ATP10A: variants seen among roughly 807,000 people sequenced by gnomAD.
ATP10A encodes phospholipid-transporting ATPase VA.
ATP10A carries 111 observed loss-of-function variants against 147.8 expected under a neutral mutation model. The ratio of observed to expected loss-of-function variants is 0.75; its 90% CI spans 0.64 to 0.88. The LOEUF is 0.88. Among genes scored for constraint, ATP10A ranks in the 40% least tolerant of loss-of-function variants. The pLI is 0.00. For missense variants in ATP10A, 1,927 were observed against 1,959.0 expected, an observed-to-expected ratio of 0.98 and a Z score of 0.31; for synonymous variants, 875 against 841.6, an observed-to-expected ratio of 1.04 and a Z score of -0.69.
upstream of ATP10A, among the ~76,000 whole-genome samples, chr15:25,864,078 CTG>C (rs58780207): frequency 0.074 from 11,326 of 152,176 alleles, 729 homozygotes; most frequent in South Asian, 0.17. Context: ...CGCTGTAGCT[CTG>C]AGGTGGCTGT....
chr15:25,862,271 G>A (rs1893794757), intron 1 of ATP10A: 2 of 489,084 alleles, frequency 4.1e-6, no homozygotes, highest in South Asian at 3.1e-5. Flanking sequence ...GCCGAAGACT[G>A]AGGCAGGGAC....
chr15:25,804,529 A>G (rs934767250), intron 1 of ATP10A, among the ~76,000 whole-genome samples: 15 of 151,968 alleles, frequency 9.9e-5, no homozygotes, highest in African/African-American at 3.6e-4. Context: ...TGCATGAATG[A>G]GCACATATGG....
chr15:25,741,157 C>A (rs1330415341), intron 2 of ATP10A, among the ~76,000 whole-genome samples: 1 of 152,246 alleles, frequency 6.6e-6, no homozygotes, highest in Non-Finnish European at 1.5e-5. Flanking sequence ...GGCTCCCATT[C>A]CTCCTTCACT....
Position 25,863,215 on chromosome 15 carries a change from C to A in ATP10A, c.-119G>T. The A allele has an allele frequency of 1.5e-6, 1 of 673,466 alleles. No homozygotes were observed. Among genetic ancestry groups the A allele is most frequent in the Non-Finnish European group, 1.9e-6 (1 of 530,500 alleles). The allele number at this position is 673,466 out of a possible 1,614,324, so 41.7% of individuals were successfully genotyped here. On this transcript the variant is annotated 5_prime_UTR_variant, in exon 1 of 21. Transcript: ENST00000555815. ...GCGAGCTCCCCGCCTGCGGGACGCA[C>A]GGAGACCGCGGTCAGCGCGCCGCCT...
intron 10 of ATP10A, 63 bp from the exon 11 acceptor site, chr15:25,708,363 A>G: frequency 1.4e-6 from 2 of 1,437,320 alleles, no homozygotes; most frequent in East Asian, 2.3e-5. Flanking sequence ...GTCTTCAGAC[A>G]CTCCGAGATT....
chr15:25,800,513 T>C (rs1438197582), intron 1 of ATP10A, among the ~76,000 whole-genome samples: 1 of 152,212 alleles, frequency 6.6e-6, no homozygotes, highest in Non-Finnish European at 1.5e-5. Context: ...AGCTGGGAGC[T>C]GACCACGCTC....
rs1414639427 is a variant in ATP10A at position 25,714,156 on chromosome 15, C to T, written c.1862G>A (p.Gly621Asp). ...RRFTPSCLTS[G>D]CSSIGSLAAN... is the part of the protein sequence containing the mutation. ...GGCCAGGCTCCCGATGCTGCTGCAGCCTGAGGTCAGGCAGCTGGGTGTGAA... is the reference window on the plus strand; with the variant it reads ...GGCCAGGCTCCCGATGCTGCTGCAGTCTGAGGTCAGGCAGCTGGGTGTGAA... The change falls in exon 10 of 21, where the codon GGC becomes GAC. Residue 621 changes from glycine (G) to aspartate (D), a missense_variant. Transcript: ENST00000555815. 2 of 1,610,700 alleles carry T rather than the reference C, an allele frequency of 1.2e-6. No individual in the cohort carries two copies. Among genetic ancestry groups the T allele is most frequent in the Non-Finnish European group, 1.7e-6 (2 of 1,180,050 alleles).
intron 1 of ATP10A, among the ~76,000 whole-genome samples, chr15:25,797,560 C>T (rs1199330293): frequency 6.6e-6 from 1 of 152,184 alleles, no homozygotes; most frequent in Non-Finnish European, 1.5e-5. Flanking sequence ...AGACTCTCTA[C>T]ATACGGAGAC....
At chr15:25,799,629 G>C (rs1011936171) in intron 1 of ATP10A, among the ~76,000 whole-genome samples, 1 of 152,184 alleles carries the variant, frequency 6.6e-6, no homozygotes, top group Non-Finnish European at 1.5e-5. Flanking sequence ...AGCTACTCGG[G>C]AGGCTGAGGT....
At chr15:25,717,240 T>C (rs983952392) in intron 8 of ATP10A, among the ~76,000 whole-genome samples, 4 of 152,200 alleles carry the variant, frequency 2.6e-5, no homozygotes, top group African/African-American at 9.7e-5. Flanking sequence ...CATTATTAAT[T>C]GTCTGAACTT....
chr15:25,678,792 G>A lies in ATP10A; in HGVS notation c.*549C>T, dbSNP rs1899201959. On this transcript the variant is annotated 3_prime_UTR_variant, in exon 21 of 21. Coordinates refer to ENST00000555815, the MANE Select transcript of ATP10A (RefSeq NM_024490.4). ...ACCAGGGATGTAATACCTACAAGGC[G>A]GTCTTCCTGAAATGCCTGCCCGGAA... 6.6e-6 allele frequency: 1 copy of A among 152,168 alleles called. No individual in the cohort carries two copies. The highest frequency in any genetic ancestry group is 2.1e-4 in the South Asian group (1 of 4,816). The allele number at this position is 152,168 out of a possible 1,614,324, so 9.4% of individuals were successfully genotyped here.
Position 25,713,977 on chromosome 15 carries a change from G to A in ATP10A, c.2041C>T (p.Leu681Phe). The A allele has an allele frequency of 6.2e-7, 1 of 1,609,746 alleles. No homozygotes were observed. Among genetic ancestry groups the A allele is most frequent in the Non-Finnish European group, 8.5e-7 (1 of 1,179,942 alleles). The part of the protein sequence containing the change: ...SSQADNWASE[L>F]AQEQESEREL... ...CGCTCTGACTCCTGCTCCTGAGCAA[G>A]CTCCGAGGCCCAGTTGTCCGCCTGG... Residue 681 changes from leucine to phenylalanine, a missense_variant, in exon 10 of 21, where the codon CTT becomes TTT. Coordinates refer to ENST00000555815, the MANE Select transcript of ATP10A (RefSeq NM_024490.4).
intron 14 of ATP10A, among the ~76,000 whole-genome samples, chr15:25,693,080 G>C (rs1900122682): frequency 6.6e-6 from 1 of 152,000 alleles, no homozygotes; most frequent in African/African-American, 2.4e-5. Flanking sequence ...GGAGTGTAGT[G>C]GTGTGATCAC....
intron 12 of ATP10A, among the ~76,000 whole-genome samples, chr15:25,704,508 G>A (rs1900860977): frequency 6.6e-6 from 1 of 152,218 alleles, no homozygotes; most frequent in South Asian, 2.1e-4. Flanking sequence ...TACGGAGGGT[G>A]TCTGCTGTTT....
chr15:25,828,588 T>G (rs917852709), intron 1 of ATP10A, among the ~76,000 whole-genome samples: 1 of 152,158 alleles, frequency 6.6e-6, no homozygotes, highest in Non-Finnish European at 1.5e-5. Context: ...TACTTTGAGA[T>G]GAACGCAAAC....
Position 25,725,859 on chromosome 15 carries a change from C to T in ATP10A, c.979+92G>A. ...TCACCAACTCCTGACCTCAAGTGAT[C>T]TGCCCGCCTCGGCCTCCCAAAGTGC... On this transcript the variant is annotated intron_variant, in intron 5 of 20. Transcript: ENST00000555815. 11 of 1,411,998 alleles carry T rather than the reference C, an allele frequency of 7.8e-6. No homozygotes were observed. The South Asian group carries it at 1.6e-4, about 21-fold the overall frequency. The allele number at this position is 1,411,998 out of a possible 1,614,324, so 87.5% of individuals were successfully genotyped here.
At chr15:25,718,448 G>A (rs781578881) in intron 7 of ATP10A, 49 bp from the exon 8 acceptor site, 2 of 1,531,460 alleles carry the variant, frequency 1.3e-6, no homozygotes, top group African/African-American at 1.4e-5. Context: ...AGGCTGGGCG[G>A]AGCAGAAAGA....
chr15:25,755,773 C>T (rs1447889387), intron 2 of ATP10A, among the ~76,000 whole-genome samples: 2 of 152,134 alleles, frequency 1.3e-5, no homozygotes, highest in Non-Finnish European at 2.9e-5. Flanking sequence ...AGTCAATAAT[C>T]TAATGAAGAA....
intron 15 of ATP10A, among the ~76,000 whole-genome samples, chr15:25,690,517 G>A (rs145685795): frequency 6.2e-4 from 95 of 152,318 alleles, no homozygotes; most frequent in African/African-American, 2.2e-3. Flanking sequence ...TGAAATTACA[G>A]GTGTGAACCA....
Sources: gnomAD v4.1 joint callset for allele counts (sites outside exome capture counted in the v4.1 genomes callset) on GRCh38, gnomAD v4.1.1 for gene constraint, MANE v1.5 for transcripts, NCBI Gene and HGNC (gene_info 2026-07-23, HGNC 2026-07-21) for gene names.